SLC24A2: variants seen among roughly 807,000 people sequenced by gnomAD.
The protein encoded by SLC24A2 is sodium/potassium/calcium exchanger 2.
In SLC24A2, 36 loss-of-function variants were observed where a neutral mutation model predicts 62.0. The observed-to-expected ratio is 0.58, with a 90% CI of 0.44 to 0.77. The LOEUF (loss-of-function observed/expected upper bound fraction) is 0.77. Among genes scored for constraint, SLC24A2 ranks in the 30% least tolerant of loss-of-function variants. SLC24A2 has a pLI of 0.00. For missense variants in SLC24A2, 846 were observed against 817.9 expected (o/e 1.03, Z -0.42); for synonymous variants, 358 against 294.0 (o/e 1.22, Z -2.23).
At chr9:19,670,397 A>G (rs1009430537) in intron 2 of SLC24A2, among the ~76,000 whole-genome samples, 1 of 152,180 alleles carries the variant, frequency 6.6e-6, no homozygotes, top group Admixed American at 6.6e-5. Context: ...AATCAACTCT[A>G]CAAAAACCAC....
chr9:19,940,883 C>T, the SLC24A2 span, among the ~76,000 whole-genome samples: 1 of 152,194 alleles, frequency 6.6e-6, no homozygotes, highest in Non-Finnish European at 1.5e-5. Flanking sequence ...GGGAAAGGCT[C>T]TCTCATTTTT....
chr9:19,976,166 G>A, the SLC24A2 span, among the ~76,000 whole-genome samples: 65 of 152,274 alleles, frequency 4.3e-4, 1 homozygote, highest in South Asian at 0.013. Flanking sequence ...TTACAGGCAT[G>A]AGCCACTAAG....
Position 19,573,483 on chromosome 9 carries a change from T to G in SLC24A2, c.1229-14A>C. On this transcript the variant is annotated splice_polypyrimidine_tract_variant and intron_variant, in intron 6 of 10. Coordinates refer to ENST00000341998, the MANE Select transcript of SLC24A2 (RefSeq NM_020344.4). ...GCTCAATTTTTTCTGTGATATAATT[T>G]AAACACACACACACACACACACACA... 1.2e-6 allele frequency: 1 copy of G among 856,162 alleles called. No individual in the cohort carries two copies. Among genetic ancestry groups the G allele is most frequent in the Non-Finnish European group, 1.9e-6 (1 of 518,680 alleles). The allele number at this position is 856,162 out of a possible 1,614,324, so 53.0% of individuals were successfully genotyped here. A position where few individuals can be genotyped will look rare whatever the true frequency, so the allele number is the denominator to read the frequency against.
In SLC24A2 at chr9:19,573,594, AAG is replaced by A. The variant is rs2132845298; in HGVS notation, c.1229-127_1229-126del. 1.9e-5 allele frequency: 16 copies of A among 822,270 alleles called. No homozygotes were observed. In the South Asian group the frequency reaches 2.1e-4, roughly 11 times the overall value. 50.9% of individuals were successfully genotyped at this position (822,270 alleles called of 1,614,324 possible). A position where few individuals can be genotyped will look rare whatever the true frequency, so the allele number is the denominator to read the frequency against. On this transcript the variant is annotated intron_variant, in intron 6 of 10. Coordinates refer to ENST00000341998, the MANE Select transcript of SLC24A2 (RefSeq NM_020344.4). ...AATGGGGGTAAAGAGCAATATTGAA[AAG>A]AGTTTCCTAAAATGTTGGGCTAAAG...
At chr9:20,253,021 G>T in the SLC24A2 span, among the ~76,000 whole-genome samples, 1 of 152,342 alleles carries the variant, frequency 6.6e-6, no homozygotes, top group Admixed American at 6.5e-5. Flanking sequence ...TTCTAGGGAA[G>T]AATAGCAATG....
In SLC24A2 at chr9:19,619,641, G is replaced by T; in HGVS notation, c.1021C>A (p.Leu341Ile). The change falls in exon 4 of 11, where the codon CTC becomes ATC. Residue 341 changes from leucine (L) to isoleucine (I), a missense_variant. Coordinates refer to ENST00000341998, the MANE Select transcript of SLC24A2 (RefSeq NM_020344.4). ...GGSSASLHNS[L>I]MRNSIFQLMI... The stretch of plus-strand genomic sequence containing the variant: ...AGTTGGAAGATGCTATTCCTCATGA[G>T]ACTGTTGTGGAGGGAGGCAGAGCTT... 1 of 1,614,064 alleles carries T rather than the reference G, an allele frequency of 6.2e-7. No individual in the cohort carries two copies.
At chr9:19,945,771 G>C in the SLC24A2 span, among the ~76,000 whole-genome samples, 1 of 152,188 alleles carries the variant, frequency 6.6e-6, no homozygotes, top group African/African-American at 2.4e-5. Context: ...TTCTCAACTA[G>C]CTGCTGATAA....
At chr9:20,178,462 A>G in the SLC24A2 span, among the ~76,000 whole-genome samples, 1 of 152,152 alleles carries the variant, frequency 6.6e-6, no homozygotes, top group Admixed American at 6.5e-5. Flanking sequence ...AGCTACTGAC[A>G]TCTGATTTTA....
the SLC24A2 span, among the ~76,000 whole-genome samples, chr9:20,195,255 A>C: frequency 6.6e-6 from 1 of 152,128 alleles, no homozygotes; most frequent in East Asian, 1.9e-4. Context: ...TATATACCTT[A>C]ATATAATAAC....
chr9:19,940,889 TTTTTA>T, the SLC24A2 span, among the ~76,000 whole-genome samples: 13 of 152,234 alleles, frequency 8.5e-5, no homozygotes, highest in African/African-American at 2.7e-4. Flanking sequence ...GGCTCTCTCA[TTTTTA>T]TTGTATTCCT....
chr9:20,155,461 C>G, the SLC24A2 span, among the ~76,000 whole-genome samples: 1 of 151,604 alleles, frequency 6.6e-6, no homozygotes, highest in East Asian at 1.9e-4. Context: ...TATTTTTTGC[C>G]TCTTAGATAT....
At chr9:19,756,593 G>C in intron 2 of SLC24A2, among the ~76,000 whole-genome samples, 1 of 152,174 alleles carries the variant, frequency 6.6e-6, no homozygotes. Flanking sequence ...GCATGGCCCA[G>C]CTGGGTTCTC....
At chr9:20,106,657 G>A in the SLC24A2 span, among the ~76,000 whole-genome samples, 2 of 152,208 alleles carry the variant, frequency 1.3e-5, no homozygotes, top group South Asian at 4.2e-4. Context: ...AACCCTTCAT[G>A]CTAAAAACTC....
At chr9:19,717,130 T>C (rs1254124022) in intron 2 of SLC24A2, among the ~76,000 whole-genome samples, 1 of 152,224 alleles carries the variant, frequency 6.6e-6, no homozygotes, top group African/African-American at 2.4e-5. Context: ...GGACTCACAA[T>C]ATTTGATAAG....
At chr9:20,087,450 A>C in the SLC24A2 span, among the ~76,000 whole-genome samples, 2 of 152,210 alleles carry the variant, frequency 1.3e-5, no homozygotes, top group South Asian at 4.1e-4. Context: ...GTGAAATCTC[A>C]GCCTCAAAAT....
At chr9:19,731,040 C>A (rs1185287722) in intron 2 of SLC24A2, among the ~76,000 whole-genome samples, 4 of 152,112 alleles carry the variant, frequency 2.6e-5, no homozygotes, top group African/African-American at 9.7e-5. Context: ...GTCTTGAGTT[C>A]ATCTTTCAAA....
At chr9:19,623,874 T>C (rs950632060) in intron 2 of SLC24A2, among the ~76,000 whole-genome samples, 9 of 152,202 alleles carry the variant, frequency 5.9e-5, no homozygotes, top group Admixed American at 1.3e-4. Context: ...GCGTTGGTGG[T>C]AATTTCTGAG....
chr9:19,741,050 C>A (rs900730071), intron 2 of SLC24A2, among the ~76,000 whole-genome samples: 1 of 152,126 alleles, frequency 6.6e-6, no homozygotes, highest in Non-Finnish European at 1.5e-5. Context: ...ATGTTGCTAT[C>A]CTCTGTATGT....
the SLC24A2 span, among the ~76,000 whole-genome samples, chr9:20,178,927 C>G: frequency 6.6e-6 from 1 of 152,162 alleles, no homozygotes; most frequent in Admixed American, 6.6e-5. Context: ...GAGCACCATA[C>G]TACTATGACT....
Sources: gnomAD v4.1 joint callset for allele counts (sites outside exome capture counted in the v4.1 genomes callset) on GRCh38, gnomAD v4.1.1 for gene constraint, MANE v1.5 for transcripts, NCBI Gene and HGNC (gene_info 2026-07-23, HGNC 2026-07-21) for gene names.